PMFBP1: variants seen among roughly 807,000 people sequenced by gnomAD.
PMFBP1 encodes polyamine-modulated factor 1-binding protein 1.
PMFBP1 carries 131 observed loss-of-function variants against 137.8 expected under a neutral mutation model. That is an observed-to-expected ratio of 0.95 (90% CI 0.82 to 1.10). The LOEUF (loss-of-function observed/expected upper bound fraction) is 1.10, where lower values mean the gene tolerates loss of function less well. Among genes scored for constraint, PMFBP1 ranks in the 50% least tolerant of loss-of-function variants. PMFBP1 has a pLI of 0.00. For missense variants in PMFBP1, 1,199 were observed against 1,175.4 expected, an observed-to-expected ratio of 1.02 and a Z score of -0.29; for synonymous variants, 490 against 450.4, an observed-to-expected ratio of 1.09 and a Z score of -1.11.
upstream of PMFBP1, among the ~76,000 whole-genome samples, chr16:72,178,162 G>C (rs1277341500): frequency 1.3e-5 from 2 of 152,142 alleles, no homozygotes; most frequent in African/African-American, 4.8e-5. Context: ...CAAAGTGCCT[G>C]ATGTTTCTCT....
intron 13 of PMFBP1, 131 bp from the exon 14 acceptor site, chr16:72,128,925 C>T (rs2042504328): frequency 3.3e-6 from 5 of 1,507,442 alleles, no homozygotes; most frequent in Non-Finnish European, 4.5e-6. Context: ...TCTCGCTCCC[C>T]TCCTCGCTGG....
intron 12 of PMFBP1, 59 bp downstream of exon 12, chr16:72,130,154 C>G: frequency 6.3e-7 from 1 of 1,596,230 alleles, no homozygotes; most frequent in Non-Finnish European, 8.5e-7. Context: ...TGCTCCTAGT[C>G]TGTGTTTTAT....
At chr16:72,166,728 G>C (rs1459987676) in intron 2 of PMFBP1, among the ~76,000 whole-genome samples, 2 of 152,188 alleles carry the variant, frequency 1.3e-5, no homozygotes, top group Non-Finnish European at 2.9e-5. Flanking sequence ...GTCTTGATTG[G>C]TGTCAATGAA....
chr16:72,220,692 C>T, the PMFBP1 span, among the ~76,000 whole-genome samples: 1 of 152,110 alleles, frequency 6.6e-6, no homozygotes. Flanking sequence ...AGACAGTACT[C>T]GGCCTTGCAT....
chr16:72,124,212 T>C (rs573424054), intron 17 of PMFBP1, among the ~76,000 whole-genome samples: 1 of 152,376 alleles, frequency 6.6e-6, no homozygotes, highest in Admixed American at 6.5e-5. Flanking sequence ...GGTCTTGCTA[T>C]GTTGCCCAGG....
the PMFBP1 span, among the ~76,000 whole-genome samples, chr16:72,220,937 C>G: frequency 6.6e-6 from 1 of 152,216 alleles, no homozygotes; most frequent in African/African-American, 2.4e-5. Context: ...ACTAGGTCCA[C>G]TGACTGCTCC....
chr16:72,215,390 G>C, the PMFBP1 span, among the ~76,000 whole-genome samples: 5 of 151,842 alleles, frequency 3.3e-5, no homozygotes, highest in African/African-American at 1.2e-4. Context: ...AAACAAGATT[G>C]TTTACAAAAG....
At chr16:72,177,008 T>G (rs1188326466), upstream of PMFBP1, 1 of 152,268 alleles carries the variant, frequency 6.6e-6, no homozygotes, top group African/African-American at 2.4e-5. Flanking sequence ...ATTTGCTGTA[T>G]GGAGTAGAAA....
Position 72,164,307 on chromosome 16 carries a change from T to C in PMFBP1, c.165+457A>G, listed in dbSNP as rs549100915. On this transcript the variant is annotated intron_variant, in intron 3 of 20. Coordinates refer to ENST00000237353, the MANE Select transcript of PMFBP1 (RefSeq NM_031293.3). ...AGGTTCCTGCATCCAGAAGAAAAGC[T>C]TGCAGGCAGTGAGACGCAGGTGCAG... is the stretch of plus-strand genomic sequence containing the variant. 46 of 891,518 alleles carry C rather than the reference T, an allele frequency of 5.2e-5. No individual in the cohort carries two copies. The African/African-American group carries it at 7.9e-4, about 15-fold the overall frequency. The allele number at this position is 891,518 out of a possible 1,614,324, so 55.2% of individuals were successfully genotyped here.
At chr16:72,121,284 C>A (rs1176762843) in intron 19 of PMFBP1, among the ~76,000 whole-genome samples, 2 of 152,162 alleles carry the variant, frequency 1.3e-5, no homozygotes, top group Non-Finnish European at 2.9e-5. Flanking sequence ...CCCAGTAGCC[C>A]CTCACTCCCA....
intron 2 of PMFBP1, among the ~76,000 whole-genome samples, chr16:72,169,635 T>A (rs924584438): frequency 2.0e-5 from 3 of 151,682 alleles, no homozygotes; most frequent in Non-Finnish European, 2.9e-5. Flanking sequence ...AAAAAAGATT[T>A]AAAAAATAAA....
intron 4 of PMFBP1, among the ~76,000 whole-genome samples, chr16:72,152,076 C>G (rs187216724): frequency 6.6e-6 from 1 of 152,302 alleles, no homozygotes; most frequent in East Asian, 1.9e-4. Context: ...GCTTCCGGTC[C>G]TTCTTTGACT....
chr16:72,140,926 G>A (rs1360630528), intron 5 of PMFBP1, among the ~76,000 whole-genome samples: 2 of 83,568 alleles, frequency 2.4e-5, no homozygotes, highest in Non-Finnish European at 4.9e-5. Flanking sequence ...ACACAAATGA[G>A]TCTTTTTTTT....
the PMFBP1 span, among the ~76,000 whole-genome samples, chr16:72,222,105 T>A: frequency 6.6e-6 from 1 of 152,034 alleles, no homozygotes; most frequent in Non-Finnish European, 1.5e-5. Flanking sequence ...AGTGGCAGAG[T>A]TGGGGTTGCA....
At chr16:72,128,062 G>T (rs1193421241) in intron 14 of PMFBP1, among the ~76,000 whole-genome samples, 1 of 152,162 alleles carries the variant, frequency 6.6e-6, no homozygotes, top group Non-Finnish European at 1.5e-5. Flanking sequence ...GGATAATTCA[G>T]GTTCAAATAG....
chr16:72,124,210 T>G (rs2042418819), intron 17 of PMFBP1, among the ~76,000 whole-genome samples: 1 of 152,202 alleles, frequency 6.6e-6, no homozygotes, highest in Admixed American at 6.5e-5. Context: ...GAGGTCTTGC[T>G]ATGTTGCCCA....
intron 2 of PMFBP1, among the ~76,000 whole-genome samples, chr16:72,168,207 C>T (rs2043173069): frequency 6.6e-6 from 1 of 152,216 alleles, no homozygotes; most frequent in East Asian, 1.9e-4. Context: ...GAAAAGAAAA[C>T]CATTCACTCC....
chr16:72,226,430 C>T, the PMFBP1 span, among the ~76,000 whole-genome samples: 7 of 152,142 alleles, frequency 4.6e-5, no homozygotes, highest in African/African-American at 9.7e-5. Flanking sequence ...CAAGCATTTC[C>T]GGGGTTAATT....
chr16:72,191,494 C>T, the PMFBP1 span, among the ~76,000 whole-genome samples: 63 of 152,292 alleles, frequency 4.1e-4, 1 homozygote, highest in Non-Finnish European at 7.2e-4. Flanking sequence ...TCATTAGAAG[C>T]GACTTGGCTC....
Sources: gnomAD v4.1 joint callset for allele counts (sites outside exome capture counted in the v4.1 genomes callset) on GRCh38, gnomAD v4.1.1 for gene constraint, MANE v1.5 for transcripts, NCBI Gene and HGNC (gene_info 2026-07-23, HGNC 2026-07-21) for gene names.